The following BRI3 variants were observed in gnomAD, a reference collection of about 807,000 sequenced individuals.
BRI3 encodes the protein brain protein I3.
BRI3 carries 6 observed loss-of-function variants against 12.8 expected under a neutral mutation model. That is an observed-to-expected ratio of 0.47 (90% CI 0.26 to 0.93). The LOEUF is 0.93. BRI3 is among the 40% of genes least tolerant of loss of function. The pLI, the probability that BRI3 is intolerant of heterozygous loss-of-function variation, is 0.15. For synonymous variants in BRI3, 91 were observed against 76.1 expected, an observed-to-expected ratio of 1.20 and a Z score of -1.02; for missense variants, 134 against 171.1, an observed-to-expected ratio of 0.78 and a Z score of 1.21.
the BRI3 span, chr7:98,320,237 A>G: frequency 6.2e-7 from 1 of 1,607,984 alleles, no homozygotes; most frequent in Non-Finnish European, 8.5e-7. Flanking sequence ...GATCACGTAC[A>G]TTTTCATCAA....
rs946292198 is a variant in BRI3, at chr7:98,281,718, C to CCCG, written c.-64_-62dup. 1.8e-4 allele frequency: 140 copies of CCCG among 761,182 alleles called. No homozygotes were observed. Among genetic ancestry groups the CCCG allele is most frequent in the East Asian group, 9.1e-4 (7 of 7,702 alleles). The allele number at this position is 761,182 out of a possible 1,614,324, so 47.2% of individuals were successfully genotyped here. A position where few individuals can be genotyped will look rare whatever the true frequency, so the allele number is the denominator to read the frequency against. ...CCCGAGCCACCCGGTCCGCCGCGTC[C>CCCG]CCGCCGCCGCCGCCGCGTCCCCCGC... On this transcript the variant is annotated 5_prime_UTR_variant, in exon 1 of 3. Coordinates refer to ENST00000297290, the MANE Select transcript of BRI3 (RefSeq NM_015379.5).
At chr7:98,283,282 T>G (rs1409465814) in intron 2 of BRI3, among the ~76,000 whole-genome samples, 1 of 152,114 alleles carries the variant, frequency 6.6e-6, no homozygotes, top group Non-Finnish European at 1.5e-5. Context: ...TGGTTTGGAC[T>G]TAGACTTGAT....
chr7:98,301,493 AT>A (rs1800421131), intron 1 of BRI3, among the ~76,000 whole-genome samples: 1 of 149,250 alleles, frequency 6.7e-6, no homozygotes, highest in East Asian at 2.0e-4. Context: ...ATATATATAT[AT>A]TTTAAGTGGA....
At chr7:98,310,838 A>G (rs1310392577), downstream of BRI3, among the ~76,000 whole-genome samples, 1 of 152,064 alleles carries the variant, frequency 6.6e-6, no homozygotes, top group Non-Finnish European at 1.5e-5. Context: ...GGCACGCACT[A>G]CCACATCTGG....
At chr7:98,307,947 A>C (rs749963745) in exon 2 of BRI3, 110 of 1,540,424 alleles carry the variant, frequency 7.1e-5, no homozygotes, top group Non-Finnish European at 9.5e-5. Flanking sequence ...GAGAATCAAT[A>C]GGCACATTCC....
chr7:98,281,895 C>T lies in BRI3; in HGVS notation c.100C>T (p.Pro34Ser). ...CGGCCCGCACGGCTACGGCGCCATC[C>T]CCGCCGCGCCCCCGCCGCCGCCCTA... ...ACGPHGYGAI[P>S]AAPPPPPYPY... is the part of the protein sequence containing the mutation. The change falls in exon 1 of 3, where the codon CCC becomes TCC. Residue 34 changes from proline (P) to serine (S), a missense_variant. Coordinates refer to ENST00000297290, the MANE Select transcript of BRI3 (RefSeq NM_015379.5). 1.5e-6 allele frequency: 2 copies of T among 1,300,834 alleles called. No individual in the cohort carries two copies. Among genetic ancestry groups the T allele is most frequent in the Non-Finnish European group, 2.0e-6 (2 of 1,024,380 alleles). The allele number at this position is 1,300,834 out of a possible 1,614,324, so 80.6% of individuals were successfully genotyped here. A position where few individuals can be genotyped will look rare whatever the true frequency, so the allele number is the denominator to read the frequency against.
In BRI3 at chr7:98,285,479, TC is replaced by T. The variant is rs34358103; in HGVS notation, c.245+3030del. Among the ~76,000 whole-genome samples, 898 of 152,250 alleles carry T rather than the reference TC, an allele frequency of 5.9e-3. 19 individuals are homozygous for T. The highest frequency in any genetic ancestry group is 0.02 in the African/African-American group (843 of 41,548). On this transcript the variant is annotated intron_variant, in intron 2 of 2. Transcript: ENST00000297290. ...GCCCATATGTATGGCCTGTGGGCTG[TC>T]CCCGTCCTGACAGTCTTGGCCTGAG...
chr7:98,287,174 C>T (rs564269000), intron 2 of BRI3, among the ~76,000 whole-genome samples: 11 of 152,348 alleles, frequency 7.2e-5, no homozygotes, highest in Admixed American at 1.3e-4. Flanking sequence ...AGCTCCCGGG[C>T]GGCACTGCAG....
chr7:98,287,743 G>A (rs1437910344), intron 2 of BRI3, among the ~76,000 whole-genome samples: 1 of 152,224 alleles, frequency 6.6e-6, no homozygotes, highest in Non-Finnish European at 1.5e-5. Context: ...CCAGGCGCGA[G>A]CAGCAGCTGC....
chr7:98,293,406 TAG>T (rs1280298848), downstream of BRI3: 2 of 939,062 alleles, frequency 2.1e-6, no homozygotes, highest in East Asian at 4.9e-5. Flanking sequence ...CAGGCGACAT[TAG>T]AGTTAGGCCT....
exon 2 of BRI3, chr7:98,308,142 G>A (rs1481072925): frequency 1.6e-6 from 1 of 634,206 alleles, no homozygotes; most frequent in East Asian, 3.3e-5. Flanking sequence ...GCGGCTGCGG[G>A]CTCTTTTCCA....
chr7:98,293,535 G>A, downstream of BRI3: 1 of 1,613,612 alleles, frequency 6.2e-7, no homozygotes, highest in Non-Finnish European at 8.5e-7. Flanking sequence ...CGAATGATGG[G>A]TGCCGAGCGA....
rs1280556671 is a variant in BRI3, at chr7:98,281,824, G to C, written c.29G>C (p.Arg10Pro). The C allele has an allele frequency of 1.6e-6, 2 of 1,260,002 alleles. No homozygotes were observed. Among genetic ancestry groups the C allele is most frequent in the Non-Finnish European group, 1.0e-6 (1 of 1,000,066 alleles). 78.1% of individuals were successfully genotyped at this position (1,260,002 alleles called of 1,614,324 possible). A position where few individuals can be genotyped will look rare whatever the true frequency, so the allele number is the denominator to read the frequency against. MDHKPLLQE[R>P]PPAYNLEAGQ... The stretch of plus-strand genomic sequence containing the variant: ...GACCACAAGCCGCTGCTGCAGGAGC[G>C]GCCGCCCGCCTACAACCTGGAGGCC... The change falls in exon 1 of 3, where the codon CGG (arginine) becomes CCG (proline). Residue 10 changes from arginine (R) to proline (P), a missense_variant. By Grantham distance (103) the Arg-to-Pro change is moderately radical. Transcript: ENST00000297290.
chr7:98,319,450 C>T, the BRI3 span, among the ~76,000 whole-genome samples: 5 of 152,128 alleles, frequency 3.3e-5, no homozygotes, highest in African/African-American at 1.2e-4. Flanking sequence ...GCATCAGCTG[C>T]AGCGACAGAA....
At chr7:98,289,794 GGAGCT>G (rs1316503158) in intron 2 of BRI3, among the ~76,000 whole-genome samples, 1 of 152,210 alleles carries the variant, frequency 6.6e-6, no homozygotes, top group South Asian at 2.1e-4. Flanking sequence ...AATAGCCTAA[GGAGCT>G]GAGCTGAGCA....
chr7:98,304,312 G>T (rs955387574), upstream of BRI3: 4 of 1,613,402 alleles, frequency 2.5e-6, no homozygotes, highest in East Asian at 4.5e-5. Context: ...TAGTCGGGTG[G>T]GGGGATGACA....
chr7:98,307,257 C>T (rs559529408), intron 1 of BRI3: 234 of 356,516 alleles, frequency 6.6e-4, no homozygotes, highest in African/African-American at 3.6e-3. Context: ...AGGCGCCTGC[C>T]ACCACGCCTG....
downstream of BRI3, among the ~76,000 whole-genome samples, chr7:98,297,414 G>C (rs1041005425): frequency 2.0e-5 from 3 of 152,294 alleles, no homozygotes; most frequent in African/African-American, 2.4e-5. Context: ...GGCTGCAGCA[G>C]AGAATGCTGG....
At chr7:98,310,480 G>C (rs1490041144), downstream of BRI3, 1 of 1,604,200 alleles carries the variant, frequency 6.2e-7, no homozygotes, top group Non-Finnish European at 8.5e-7. Context: ...ATTCGGGGCA[G>C]CCGTGGCTGG....
Sources: allele counts gnomAD v4.1 joint callset (sites outside exome capture counted in the v4.1 genomes callset), GRCh38; gene constraint gnomAD v4.1.1; transcripts MANE v1.5; gene names NCBI Gene and HGNC (gene_info 2026-07-23, HGNC 2026-07-21).